The following AGBL1 variants were observed in gnomAD, a reference collection of about 807,000 sequenced individuals.
The protein encoded by AGBL1 is AGBL carboxypeptidase 1, also known as cytosolic carboxypeptidase 4.
A neutral mutation model predicts 118.9 loss-of-function variants in AGBL1; 130 were observed. The observed-to-expected ratio is 1.09, with a 90% CI of 0.95 to 1.26. The LOEUF is 1.26. Ranked by LOEUF, AGBL1 falls within the 50% of genes most tolerant of loss-of-function variation. AGBL1 has a pLI of 0.00. For missense variants in AGBL1, 1,584 were observed against 1,298.1 expected, an observed-to-expected ratio of 1.22 and a Z score of -3.38; for synonymous variants, 555 against 478.9, an observed-to-expected ratio of 1.16 and a Z score of -2.08.
rs369697811 is a variant in AGBL1, at chr15:86,827,098, T to C, written c.3159-79989T>C. ...TGATTTCCCCCAAAGGGCCCTGTGCTAGGATTACTATGTATGAGGAGCAGG... is the reference window on the plus strand; with the variant it reads ...TGATTTCCCCCAAAGGGCCCTGTGCCAGGATTACTATGTATGAGGAGCAGG... On this transcript the variant is annotated intron_variant, in intron 22 of 22. Coordinates refer to ENST00000614907, the MANE Select transcript of AGBL1 (RefSeq NM_001386094.1). Among the ~76,000 whole-genome samples, 3 of 150,732 alleles carry C rather than the reference T, an allele frequency of 2.0e-5. No homozygotes were observed. In the East Asian group the frequency reaches 6.0e-4, roughly 30 times the overall value.
chr15:86,882,360 C>T (rs185234895), intron 22 of AGBL1, among the ~76,000 whole-genome samples: 6 of 152,236 alleles, frequency 3.9e-5, no homozygotes, highest in East Asian at 1.9e-4. Flanking sequence ...AATAATAAAA[C>T]ATCTCTATGT....
chr15:86,484,611 G>A (rs73457622), intron 18 of AGBL1, among the ~76,000 whole-genome samples: 2,349 of 152,140 alleles, frequency 0.015, 69 homozygotes, highest in African/African-American at 0.052. Context: ...CATTTAGTTC[G>A]CCTAAGCTTG....
rs2083206725 is a variant in AGBL1 at position 86,522,819 on chromosome 15, C to T, written c.2565C>T (p.Cys855=). The T allele has an allele frequency of 1.2e-6, 2 of 1,613,486 alleles. No individual in the cohort carries two copies. Among genetic ancestry groups the T allele is most frequent in the Non-Finnish European group, 1.7e-6 (2 of 1,179,598 alleles). ...TTATTTGTTCCTGTAGCCACAGATG[C>T]TCACTGAGCGGGGAAGATTTGAACA... ...PDGVINGNHR[C]SLSGEDLNRQ... Residue 855 remains cysteine, a synonymous_variant, in exon 19 of 23, where the codon TGC becomes TGT. Transcript: ENST00000614907.
chr15:86,440,067 T>A (rs2082044747), intron 18 of AGBL1, among the ~76,000 whole-genome samples: 1 of 152,206 alleles, frequency 6.6e-6, no homozygotes, highest in African/African-American at 2.4e-5. Flanking sequence ...TAATAAAAGT[T>A]TATTGACTAA....
chr15:86,776,397 G>A lies in AGBL1; in HGVS notation c.3158+101961G>A, dbSNP rs188575971. ...ATGGTTGCTTTTACCTTCATTTTCT[G>A]ATTAGTGAGGTTGAGCTCAACCCCT... On this transcript the variant is annotated intron_variant, in intron 22 of 22. Coordinates refer to ENST00000614907, the MANE Select transcript of AGBL1 (RefSeq NM_001386094.1). Among the ~76,000 whole-genome samples, 56 of 152,146 alleles carry A rather than the reference G, an allele frequency of 3.7e-4. No individual in the cohort carries two copies. In the Middle Eastern group the frequency reaches 0.01, roughly 28 times the overall value.
chr15:86,286,725 GTT>G (rs1247799932), intron 16 of AGBL1, among the ~76,000 whole-genome samples: 2 of 77,812 alleles, frequency 2.6e-5, no homozygotes, highest in Non-Finnish European at 5.4e-5. Context: ...GTGTGTGTGT[GTT>G]TGTGTGTGTA....
intron 23 of AGBL1, among the ~76,000 whole-genome samples, chr15:86,962,542 A>G (rs2081003333): frequency 6.6e-6 from 1 of 152,036 alleles, no homozygotes; most frequent in African/African-American, 2.4e-5. Flanking sequence ...CTTATTAATA[A>G]CACTTCTTGG....
chr15:86,534,891 G>C (rs921253621), intron 19 of AGBL1, among the ~76,000 whole-genome samples: 2 of 152,152 alleles, frequency 1.3e-5, no homozygotes, highest in Non-Finnish European at 2.9e-5. Context: ...CTGAGGAAGA[G>C]CATTGAATAG....
chr15:86,193,894 T>A (rs1030262740), intron 5 of AGBL1, among the ~76,000 whole-genome samples: 1 of 152,180 alleles, frequency 6.6e-6, no homozygotes, highest in Non-Finnish European at 1.5e-5. Flanking sequence ...TGACAGAGCC[T>A]CTCTGGCAAG....
At chr15:86,993,707 G>A (rs1158065179) in intron 24 of AGBL1, among the ~76,000 whole-genome samples, 2 of 152,184 alleles carry the variant, frequency 1.3e-5, no homozygotes, top group East Asian at 1.9e-4. Flanking sequence ...TCCAAAGGCA[G>A]GGAGAGAAGC....
intron 22 of AGBL1, among the ~76,000 whole-genome samples, chr15:86,855,673 A>G (rs1418602111): frequency 1.3e-5 from 2 of 152,242 alleles, no homozygotes; most frequent in African/African-American, 4.8e-5. Context: ...ATTTATTTAA[A>G]TGCAGTGTAA....
intron 21 of AGBL1, among the ~76,000 whole-genome samples, chr15:86,649,737 G>T (rs2085339720): frequency 6.7e-6 from 1 of 148,224 alleles, no homozygotes; most frequent in African/African-American, 2.5e-5. Flanking sequence ...CAATTATTCT[G>T]GAGTATGCCC....
intron 17 of AGBL1, among the ~76,000 whole-genome samples, chr15:86,334,627 A>C (rs2080329766): frequency 6.6e-6 from 1 of 150,888 alleles, no homozygotes; most frequent in Non-Finnish European, 1.5e-5. Context: ...CAAACTACTA[A>C]TGTCACTTTT....
intron 5 of AGBL1, among the ~76,000 whole-genome samples, chr15:86,181,790 G>T (rs1227287110): frequency 6.6e-6 from 1 of 151,828 alleles, no homozygotes; most frequent in Non-Finnish European, 1.5e-5. Context: ...GAATGGTGGG[G>T]GGTAAATGAT....
At chr15:86,713,959 G>A (rs1443085348) in intron 22 of AGBL1, among the ~76,000 whole-genome samples, 1 of 152,188 alleles carries the variant, frequency 6.6e-6, no homozygotes, top group African/African-American at 2.4e-5. Context: ...GTGTCTACGT[G>A]TGTCTTTCCT....
intron 18 of AGBL1, among the ~76,000 whole-genome samples, chr15:86,482,889 T>C (rs1224746600): frequency 6.6e-6 from 1 of 151,982 alleles, no homozygotes; most frequent in Non-Finnish European, 1.5e-5. Context: ...ACAAGGTTCA[T>C]AAATTTGGAA....
At chr15:86,655,822 A>G (rs2085455029) in intron 21 of AGBL1, among the ~76,000 whole-genome samples, 1 of 152,204 alleles carries the variant, frequency 6.6e-6, no homozygotes, top group South Asian at 2.1e-4. Flanking sequence ...GTAGGGATAA[A>G]CATTATGAGG....
intron 22 of AGBL1, among the ~76,000 whole-genome samples, chr15:86,731,379 C>G (rs1246150841): frequency 1.3e-5 from 2 of 152,156 alleles, no homozygotes; most frequent in Non-Finnish European, 2.9e-5. Context: ...ACTAGAGATT[C>G]TCCACCATTG....
At chr15:86,460,901 C>T (rs1262996221) in intron 18 of AGBL1, among the ~76,000 whole-genome samples, 1 of 152,198 alleles carries the variant, frequency 6.6e-6, no homozygotes, top group Non-Finnish European at 1.5e-5. Context: ...TTGCCATTTT[C>T]TACTATTAAC....
Sources: allele counts gnomAD v4.1 joint callset (sites outside exome capture counted in the v4.1 genomes callset), GRCh38; gene constraint gnomAD v4.1.1; transcripts MANE v1.5; gene names NCBI Gene and HGNC (gene_info 2026-07-23, HGNC 2026-07-21).